ZNF565: variants seen among roughly 807,000 people sequenced by gnomAD.
ZNF565 encodes the protein zinc finger protein 565.
ZNF565 carries 27 observed loss-of-function variants against 39.4 expected under a neutral mutation model. The observed-to-expected ratio is 0.69, with a 90% CI of 0.51 to 0.95. The LOEUF (loss-of-function observed/expected upper bound fraction) is 0.95. Ranked by LOEUF, ZNF565 falls within the 40% of genes least tolerant of loss-of-function variation. The pLI is 0.00. For missense variants in ZNF565, 524 were observed against 621.1 expected, an observed-to-expected ratio of 0.84 and a Z score of 1.66; for synonymous variants, 185 against 216.6, an observed-to-expected ratio of 0.85 and a Z score of 1.28.
intron 1 of ZNF565, among the ~76,000 whole-genome samples, chr19:36,209,029 G>A (rs930638058): frequency 2.0e-5 from 3 of 151,842 alleles, no homozygotes; most frequent in African/African-American, 7.3e-5. Flanking sequence ...ATGGGGTTTC[G>A]TCATATTGCC....
upstream of ZNF565, among the ~76,000 whole-genome samples, chr19:36,215,612 T>C (rs577732793): frequency 2.0e-5 from 3 of 152,302 alleles, no homozygotes; most frequent in South Asian, 6.2e-4. Context: ...CGAGTTTTTA[T>C]ATAAAAGCAT....
chr19:36,191,473 G>A (rs1157015625), intron 4 of ZNF565, among the ~76,000 whole-genome samples: 1 of 151,868 alleles, frequency 6.6e-6, no homozygotes, highest in Admixed American at 6.6e-5. Context: ...TCAGGGCTGA[G>A]GCAGGAAAAA....
intron 4 of ZNF565, among the ~76,000 whole-genome samples, chr19:36,188,319 C>T (rs1385334370): frequency 6.6e-6 from 1 of 151,518 alleles, no homozygotes; most frequent in African/African-American, 2.4e-5. Flanking sequence ...CCCGCCACTG[C>T]ACTCCAGCCT....
At chr19:36,232,078 C>G (rs1977400026) in intron 1 of ZNF565, among the ~76,000 whole-genome samples, 1 of 151,726 alleles carries the variant, frequency 6.6e-6, no homozygotes, top group Non-Finnish European at 1.5e-5. Flanking sequence ...TGATGCACAC[C>G]TATCGTCCCA....
At chr19:36,227,964 C>G (rs939248514) in intron 1 of ZNF565, among the ~76,000 whole-genome samples, 1 of 152,050 alleles carries the variant, frequency 6.6e-6, no homozygotes, top group Non-Finnish European at 1.5e-5. Context: ...AGTTCGAGAC[C>G]AGCCTGGCCA....
intron 2 of ZNF565, 124 bp from the exon 3 acceptor site, chr19:36,195,280 T>A: frequency 8.5e-7 from 1 of 1,171,130 alleles, no homozygotes; most frequent in East Asian, 2.4e-5. Context: ...TATGCACCAG[T>A]CTGCTTCAAC....
Position 36,183,266 on chromosome 19 carries a change from G to A in ZNF565, c.700C>T (p.Arg234Cys), listed in dbSNP as rs1474368282. 14 of 1,613,906 alleles carry A rather than the reference G, an allele frequency of 8.7e-6. No homozygotes were observed. The highest frequency in any genetic ancestry group is 2.7e-5 in the African/African-American group (2 of 74,882). ...DCKDCGKAFGRTSELILHQRL... is the reference protein window; with the variant it reads ...DCKDCGKAFGCTSELILHQRL... Reference sequence around the variant, plus strand: ...TGATGTAGAATAAGTTCTGATGTACGACCAAAGGCCTTCCCACAGTCCTTA... The same window carrying A: ...TGATGTAGAATAAGTTCTGATGTACAACCAAAGGCCTTCCCACAGTCCTTA... Residue 234 changes from arginine (R) to cysteine (C), a missense_variant, in exon 5 of 5, where the codon CGT becomes TGT. By Grantham distance (180) the Arg-to-Cys change is radical. Transcript: ENST00000304116.
At chr19:36,213,405 G>A (rs1976442599) in intron 1 of ZNF565, 1 of 152,086 alleles carries the variant, frequency 6.6e-6, no homozygotes, top group African/African-American at 2.4e-5. Context: ...TTGTTTTTGA[G>A]ACGAAGTCTC....
At chr19:36,196,621 A>G (rs1278171043) in intron 2 of ZNF565, among the ~76,000 whole-genome samples, 1 of 152,208 alleles carries the variant, frequency 6.6e-6, no homozygotes, top group African/African-American at 2.4e-5. Flanking sequence ...AAATAAGCGA[A>G]ATAGTGAAAT....
At chr19:36,219,717 A>G (rs1599958332) in intron 1 of ZNF565, among the ~76,000 whole-genome samples, 1 of 152,102 alleles carries the variant, frequency 6.6e-6, no homozygotes, top group African/African-American at 2.4e-5. Context: ...TCTTGGCTGG[A>G]TGAGTAAATT....
chr19:36,225,752 CTTTTTTTTTTT>C (rs67760026), intron 1 of ZNF565, among the ~76,000 whole-genome samples: 4 of 66,726 alleles, frequency 6.0e-5, no homozygotes, highest in Admixed American at 1.9e-4. Flanking sequence ...CTTTGTGATT[CTTTTTTTTTTT>C]TTTTTTTTTT....
intron 1 of ZNF565, among the ~76,000 whole-genome samples, chr19:36,205,691 G>C (rs1244741623): frequency 1.4e-5 from 2 of 143,816 alleles, no homozygotes; most frequent in African/African-American, 5.9e-5. Flanking sequence ...GTACTTTTCA[G>C]ATGTAGGGGT....
chr19:36,225,778 T>TG (rs1168662553), intron 1 of ZNF565, among the ~76,000 whole-genome samples: 1 of 113,110 alleles, frequency 8.8e-6, no homozygotes, highest in Non-Finnish European at 1.8e-5. Context: ...TTTTTTTTTT[T>TG]GAGACAGGGT....
chr19:36,244,133 G>C (rs1977841569), intron 1 of ZNF565, among the ~76,000 whole-genome samples: 1 of 84,332 alleles, frequency 1.2e-5, no homozygotes, highest in Non-Finnish European at 2.8e-5. Flanking sequence ...TCCCATGTCT[G>C]TGTGTCTGAG....
chr19:36,208,258 C>G (rs978356800), intron 1 of ZNF565, among the ~76,000 whole-genome samples: 4 of 149,134 alleles, frequency 2.7e-5, no homozygotes, highest in Non-Finnish European at 5.9e-5. Flanking sequence ...CTCACCCAGG[C>G]TGGAGGGCAG....
rs529497510 is a variant in ZNF565, at chr19:36,206,808, G to T, written c.-65-4758C>A. On this transcript the variant is annotated intron_variant, in intron 1 of 4. Transcript: ENST00000304116. ...TATTGTGCCACTGCACTCCAGCCTG[G>T]GCAACAAAGACTCTGTCACAAACAA... 9.2e-5 allele frequency among the ~76,000 whole-genome samples: 14 copies of T among 152,210 alleles called. No individual in the cohort carries two copies. The South Asian group carries it at 2.9e-3, about 32-fold the overall frequency.
chr19:36,195,822 G>A (rs1975739234), intron 2 of ZNF565, among the ~76,000 whole-genome samples: 3 of 150,022 alleles, frequency 2.0e-5, no homozygotes, highest in African/African-American at 4.9e-5. Context: ...GGGATTACAT[G>A]CGTGAGCCCC....
intron 3 of ZNF565, chr19:36,194,540 A>G (rs766273337): frequency 7.8e-6 from 4 of 509,618 alleles, no homozygotes; most frequent in Non-Finnish European, 1.4e-5. Flanking sequence ...GAAACTTGTA[A>G]GTTGCCCTAG....
At chr19:36,228,271 T>TC (rs34121025) in intron 1 of ZNF565, among the ~76,000 whole-genome samples, 95,986 of 151,622 alleles carry the variant, frequency 0.63, 30,566 homozygotes, top group Middle Eastern at 0.71. Context: ...CAGAACAACT[T>TC]CTTCACATTG....
Sources: gnomAD v4.1 joint callset for allele counts (sites outside exome capture counted in the v4.1 genomes callset) on GRCh38, gnomAD v4.1.1 for gene constraint, MANE v1.5 for transcripts, NCBI Gene and HGNC (gene_info 2026-07-23, HGNC 2026-07-21) for gene names.